COL26A1: variants seen among roughly 807,000 people sequenced by gnomAD.
The protein encoded by COL26A1 is collagen alpha-1(XXVI) chain.
Under a neutral mutation model 59.3 loss-of-function variants are expected in COL26A1, and 41 were observed. The observed-to-expected ratio is 0.69, with a 90% CI of 0.54 to 0.90. The LOEUF is 0.90. COL26A1 is among the 40% of genes least tolerant of loss of function. COL26A1 has a pLI of 0.00. For synonymous variants in COL26A1, 266 were observed against 256.0 expected, an observed-to-expected ratio of 1.04 and a Z score of -0.37; for missense variants, 612 against 602.3, an observed-to-expected ratio of 1.02 and a Z score of -0.17.
intron 1 of COL26A1, among the ~76,000 whole-genome samples, chr7:101,404,690 G>A (rs530509664): frequency 2.0e-5 from 3 of 152,264 alleles, no homozygotes; most frequent in African/African-American, 7.2e-5. Flanking sequence ...GAGCCCAGGA[G>A]CTCAAGACCA....
intron 3 of COL26A1, among the ~76,000 whole-genome samples, chr7:101,479,702 C>T (rs1357014175): frequency 2.6e-5 from 4 of 152,138 alleles, no homozygotes; most frequent in Non-Finnish European, 5.9e-5. Flanking sequence ...AAGCTATTAT[C>T]TCTTCAGATT....
At chr7:101,518,178 G>A (rs1795070073) in intron 3 of COL26A1, among the ~76,000 whole-genome samples, 2 of 152,108 alleles carry the variant, frequency 1.3e-5, no homozygotes, top group African/African-American at 4.8e-5. Context: ...AGAGAACCTT[G>A]CCCGCATCTT....
At chr7:101,423,901 C>T (rs1792583243) in intron 2 of COL26A1, among the ~76,000 whole-genome samples, 2 of 152,076 alleles carry the variant, frequency 1.3e-5, no homozygotes, top group South Asian at 4.1e-4. Flanking sequence ...CTAGTGGGAA[C>T]CTTGCTAATT....
chr7:101,384,788 C>T (rs968383060), intron 1 of COL26A1, among the ~76,000 whole-genome samples: 2 of 152,142 alleles, frequency 1.3e-5, no homozygotes, highest in Non-Finnish European at 2.9e-5. Flanking sequence ...CATAATAAGC[C>T]GTCTACAAGC....
intron 3 of COL26A1, among the ~76,000 whole-genome samples, chr7:101,472,816 A>AC (rs5886185): frequency 1 from 152,275 of 152,278 alleles, 76,136 homozygotes; most frequent in Non-Finnish European, 1. Flanking sequence ...GCCCCAGGGG[A>AC]CCTCCGGATC....
intron 2 of COL26A1, among the ~76,000 whole-genome samples, chr7:101,428,706 C>T (rs1792705899): frequency 6.6e-6 from 1 of 151,666 alleles, no homozygotes. Context: ...GAGACACAGT[C>T]TTGTTATGTT....
intron 3 of COL26A1, among the ~76,000 whole-genome samples, chr7:101,516,608 G>C (rs914321549): frequency 2.6e-5 from 4 of 152,156 alleles, no homozygotes; most frequent in Non-Finnish European, 5.9e-5. Context: ...AATTACAGCT[G>C]TCTTTTCTCA....
chr7:101,529,668 C>T (rs1042083840), intron 3 of COL26A1, among the ~76,000 whole-genome samples: 11 of 152,172 alleles, frequency 7.2e-5, no homozygotes, highest in African/African-American at 2.4e-4. Flanking sequence ...TAGGTGAGAA[C>T]ATGCAATATT....
At chr7:101,471,813 CA>C (rs1302798453) in intron 3 of COL26A1, among the ~76,000 whole-genome samples, 1 of 152,036 alleles carries the variant, frequency 6.6e-6, no homozygotes, top group Non-Finnish European at 1.5e-5. Flanking sequence ...CTCCTGACCT[CA>C]AGTGATCTGC....
chr7:101,510,687 T>C (rs1794902853), intron 3 of COL26A1, among the ~76,000 whole-genome samples: 1 of 151,950 alleles, frequency 6.6e-6, no homozygotes, highest in African/African-American at 2.4e-5. Flanking sequence ...TTTTAATTTT[T>C]TGTAGAGAAT....
At chr7:101,370,261 C>T (rs959591983) in intron 1 of COL26A1, among the ~76,000 whole-genome samples, 4 of 152,284 alleles carry the variant, frequency 2.6e-5, no homozygotes, top group Admixed American at 6.5e-5. Flanking sequence ...CCACCCCTAA[C>T]CTTTTTGGGG....
chr7:101,514,022 A>G (rs907583757), intron 3 of COL26A1, among the ~76,000 whole-genome samples: 1 of 152,138 alleles, frequency 6.6e-6, no homozygotes, highest in Non-Finnish European at 1.5e-5. Context: ...TCTCATTAAC[A>G]ATGTAGAAAA....
At chr7:101,542,256 C>A (rs1348120609) in intron 5 of COL26A1, among the ~76,000 whole-genome samples, 2 of 152,126 alleles carry the variant, frequency 1.3e-5, no homozygotes, top group Non-Finnish European at 2.9e-5. Context: ...TGTGAGCCAG[C>A]ACACGCAGCC....
At chr7:101,528,634 A>G (rs1255385895) in intron 3 of COL26A1, among the ~76,000 whole-genome samples, 1 of 151,566 alleles carries the variant, frequency 6.6e-6, no homozygotes, top group African/African-American at 2.4e-5. Flanking sequence ...TGCAGCCTCA[A>G]CCTTCTGGAC....
intron 3 of COL26A1, among the ~76,000 whole-genome samples, chr7:101,468,535 G>A (rs1025746288): frequency 1.3e-5 from 2 of 152,102 alleles, no homozygotes; most frequent in Non-Finnish European, 1.5e-5. Context: ...GCTCCGTGCC[G>A]CCAAGCAAGG....
At chr7:101,395,212 G>A (rs919382083) in intron 1 of COL26A1, among the ~76,000 whole-genome samples, 1 of 152,100 alleles carries the variant, frequency 6.6e-6, no homozygotes, top group East Asian at 1.9e-4. Context: ...ATATGGCTCC[G>A]AATGTCCTGT....
intron 3 of COL26A1, among the ~76,000 whole-genome samples, chr7:101,490,182 C>T (rs1210817866): frequency 6.6e-6 from 1 of 151,770 alleles, no homozygotes. Context: ...GTGATCTGCC[C>T]GCCTCGGACT....
chr7:101,448,938 T>G (rs1274083441), intron 3 of COL26A1, among the ~76,000 whole-genome samples: 1 of 152,200 alleles, frequency 6.6e-6, no homozygotes, highest in Non-Finnish European at 1.5e-5. Context: ...AAGAGCTCTT[T>G]GGGTTACAAA....
Position 101,503,398 on chromosome 7 carries a change from G to A in COL26A1, c.386-29684G>A, listed in dbSNP as rs574014239. ...AGGTCTGGGACAGGGCCTGAGTGTC[G>A]CCCTACCCTGCCCTGCCTTGTCACC... On this transcript the variant is annotated intron_variant, in intron 3 of 12. Transcript: ENST00000313669. 1.1e-4 allele frequency among the ~76,000 whole-genome samples: 17 copies of A among 152,200 alleles called. No homozygotes were observed. The East Asian group carries it at 3.3e-3, about 29-fold the overall frequency.
Sources: allele counts gnomAD v4.1 joint callset (sites outside exome capture counted in the v4.1 genomes callset), GRCh38; gene constraint gnomAD v4.1.1; transcripts MANE v1.5; gene names NCBI Gene and HGNC (gene_info 2026-07-23, HGNC 2026-07-21).